RSU1: variants seen among roughly 807,000 people sequenced by gnomAD.
RSU1 encodes the protein rsu-1.
Under a neutral mutation model 31.1 loss-of-function variants are expected in RSU1, and 26 were observed. The observed-to-expected ratio is 0.84, with a 90% CI of 0.61 to 1.16. The LOEUF (loss-of-function observed/expected upper bound fraction) is 1.16, where lower values mean the gene tolerates loss of function less well. Ranked by LOEUF, RSU1 falls within the 50% of genes most tolerant of loss-of-function variation. RSU1 has a pLI of 0.00. For synonymous variants in RSU1, 164 were observed against 136.3 expected, an observed-to-expected ratio of 1.20 and a Z score of -1.41; for missense variants, 320 against 339.1, an observed-to-expected ratio of 0.94 and a Z score of 0.44.
At chr10:16,772,544 G>T (rs1384236887) in intron 3 of RSU1, among the ~76,000 whole-genome samples, 1 of 151,224 alleles carries the variant, frequency 6.6e-6, no homozygotes, top group East Asian at 1.9e-4. Context: ...TCAGTGGCCT[G>T]GGGAGGAAGT....
At chr10:16,785,200 A>G (rs764617301) in intron 2 of RSU1, among the ~76,000 whole-genome samples, 5 of 152,032 alleles carry the variant, frequency 3.3e-5, no homozygotes, top group Non-Finnish European at 4.4e-5. Flanking sequence ...CAGGTAGAAA[A>G]AGGCTAAACT....
At chr10:16,763,093 G>A (rs1268531816) in intron 4 of RSU1, among the ~76,000 whole-genome samples, 1 of 152,154 alleles carries the variant, frequency 6.6e-6, no homozygotes, top group Non-Finnish European at 1.5e-5. Flanking sequence ...GCATTTAGTG[G>A]CTACAAATTT....
chr10:16,657,986 T>C (rs957584051), intron 8 of RSU1, among the ~76,000 whole-genome samples: 2 of 141,450 alleles, frequency 1.4e-5, no homozygotes, highest in African/African-American at 5.0e-5. Flanking sequence ...CGAGAATCTG[T>C]CTCAAAAAAA....
At chr10:16,657,948 C>T (rs1246597240) in intron 8 of RSU1, among the ~76,000 whole-genome samples, 5 of 152,168 alleles carry the variant, frequency 3.3e-5, no homozygotes, top group South Asian at 4.1e-4. Context: ...CAAGATCACA[C>T]GACTGCACTC....
chr10:16,602,535 G>T (rs560788317), intron 8 of RSU1, among the ~76,000 whole-genome samples: 1 of 152,282 alleles, frequency 6.6e-6, no homozygotes, highest in African/African-American at 2.4e-5. Context: ...TTTCTGCAGG[G>T]CAGGGAGTGC....
At chr10:16,649,185 GAAGC>G (rs1286225869) in intron 8 of RSU1, among the ~76,000 whole-genome samples, 2 of 152,030 alleles carry the variant, frequency 1.3e-5, no homozygotes, top group African/African-American at 4.8e-5. Context: ...TCTTTATTTA[GAAGC>G]AAGACAAATA....
At chr10:16,619,121 CA>C (rs1269026398) in intron 8 of RSU1, among the ~76,000 whole-genome samples, 9 of 152,160 alleles carry the variant, frequency 5.9e-5, no homozygotes, top group African/African-American at 2.2e-4. Context: ...CCAAAATACT[CA>C]AAACACGTCT....
intron 3 of RSU1, among the ~76,000 whole-genome samples, chr10:16,764,861 T>C (rs1315725340): frequency 6.6e-6 from 1 of 152,000 alleles, no homozygotes; most frequent in Admixed American, 6.5e-5. Flanking sequence ...ATGGTTGTCA[T>C]ATACGATCTT....
rs7068341 is a variant in RSU1 at position 16,592,300 on chromosome 10, C to T, written c.*1094G>A. The T allele has an allele frequency of 0.11, 16,904 of 152,142 alleles. 924 individuals carry two copies. Among genetic ancestry groups the T allele is most frequent in the Middle Eastern group, 0.12 (36 of 294 alleles). 9.4% of individuals were successfully genotyped at this position (152,142 alleles called of 1,614,324 possible). On this transcript the variant is annotated 3_prime_UTR_variant, in exon 9 of 9. Transcript: ENST00000345264. ...CACATACCATTTTTTTTGTGTCGGC[C>T]TTCTGGGGTTGACAGCCCTTTCAGT... is the stretch of plus-strand genomic sequence containing the variant.
At chr10:16,700,907 G>A (rs893046207) in intron 7 of RSU1, among the ~76,000 whole-genome samples, 3 of 152,076 alleles carry the variant, frequency 2.0e-5, no homozygotes, top group African/African-American at 7.2e-5. Flanking sequence ...AAACAATGAG[G>A]ATCTACCAAG....
Position 16,720,152 on chromosome 10 carries a change from C to G in RSU1, c.599-24997G>C, listed in dbSNP as rs543055766. The stretch of plus-strand genomic sequence containing the variant: ...AACTCTTTCCAATCTTTCCTTTTTC[C>G]CCGTCTCTTCCCTTTAAAGAAACAT... On this transcript the variant is annotated intron_variant, in intron 7 of 8. Coordinates refer to ENST00000345264, the MANE Select transcript of RSU1 (RefSeq NM_012425.4). Among the ~76,000 whole-genome samples, 55 of 152,268 alleles carry G rather than the reference C, an allele frequency of 3.6e-4. No individual in the cohort carries two copies. The South Asian group carries it at 0.011, about 32-fold the overall frequency.
chr10:16,795,585 T>G (rs77588877), intron 2 of RSU1, among the ~76,000 whole-genome samples: 2,504 of 152,184 alleles, frequency 0.016, 73 homozygotes, highest in East Asian at 0.14. Flanking sequence ...TCAGAACTAG[T>G]AAGCAGAGAG....
chr10:16,630,704 T>C (rs2131490323), intron 8 of RSU1, among the ~76,000 whole-genome samples: 1 of 152,334 alleles, frequency 6.6e-6, no homozygotes, highest in East Asian at 1.9e-4. Context: ...CATGATCCAT[T>C]TAATTGAAAA....
At chr10:16,791,525 A>G (rs531070450) in intron 2 of RSU1, among the ~76,000 whole-genome samples, 1 of 151,142 alleles carries the variant, frequency 6.6e-6, no homozygotes, top group Admixed American at 6.6e-5. Flanking sequence ...GCTACTTGGG[A>G]GGCTGAGGCA....
At chr10:16,717,557 T>C (rs958768504) in intron 7 of RSU1, among the ~76,000 whole-genome samples, 5 of 152,316 alleles carry the variant, frequency 3.3e-5, no homozygotes, top group Non-Finnish European at 7.4e-5. Context: ...CATATAACCA[T>C]GTATGTAAAC....
intron 7 of RSU1, among the ~76,000 whole-genome samples, chr10:16,722,121 A>C (rs1009502159): frequency 6.6e-6 from 1 of 152,162 alleles, no homozygotes; most frequent in Non-Finnish European, 1.5e-5. Context: ...CATAGCTTTT[A>C]TTACAGTATA....
intron 4 of RSU1, among the ~76,000 whole-genome samples, chr10:16,758,232 C>T (rs1003513970): frequency 9.2e-5 from 14 of 152,336 alleles, no homozygotes; most frequent in Admixed American, 6.5e-4. Context: ...AGCTACAAAG[C>T]GGCCAAGGAA....
chr10:16,775,889 A>G (rs977958053), intron 3 of RSU1, among the ~76,000 whole-genome samples: 1 of 152,256 alleles, frequency 6.6e-6, no homozygotes, highest in African/African-American at 2.4e-5. Flanking sequence ...AAGCCTCTGT[A>G]TTATAAACAC....
intron 2 of RSU1, among the ~76,000 whole-genome samples, chr10:16,783,670 GTTTTGTT>G: frequency 7.0e-6 from 1 of 142,082 alleles, no homozygotes; most frequent in Non-Finnish European, 1.5e-5. Flanking sequence ...TTTTTTTTTT[GTTTTGTT>G]TTTTGTTTTT....
Sources: gnomAD v4.1 joint callset for allele counts (sites outside exome capture counted in the v4.1 genomes callset) on GRCh38, gnomAD v4.1.1 for gene constraint, MANE v1.5 for transcripts, NCBI Gene and HGNC (gene_info 2026-07-23, HGNC 2026-07-21) for gene names.